The following PDCD6IP variants were observed in gnomAD, a reference collection of about 807,000 sequenced individuals.
PDCD6IP encodes programmed cell death 6 interacting protein.
A neutral mutation model predicts 103.7 loss-of-function variants in PDCD6IP; 43 were observed. The observed-to-expected ratio is 0.41, with a 90% CI of 0.32 to 0.53. PDCD6IP has a LOEUF of 0.53. Among genes scored for constraint, PDCD6IP ranks in the 20% least tolerant of loss-of-function variants. The pLI is 0.16. For synonymous variants in PDCD6IP, 354 were observed against 378.7 expected, an observed-to-expected ratio of 0.93 and a Z score of 0.76; for missense variants, 871 against 1,036.7, an observed-to-expected ratio of 0.84 and a Z score of 2.20.
intron 1 of PDCD6IP, among the ~76,000 whole-genome samples, chr3:33,802,786 G>A (rs568550834): frequency 2.6e-5 from 4 of 152,150 alleles, no homozygotes; most frequent in Non-Finnish European, 4.4e-5. Flanking sequence ...CACTGTGCCC[G>A]GCCAATCTCT....
chr3:33,822,576 G>A (rs2125554298), intron 4 of PDCD6IP, among the ~76,000 whole-genome samples: 1 of 152,274 alleles, frequency 6.6e-6, no homozygotes, highest in Admixed American at 6.5e-5. Flanking sequence ...GACACATAAT[G>A]TTCATAAGTT....
Position 33,866,698 on chromosome 3 carries a change from C to A in PDCD6IP, c.*173C>A. The A allele has an allele frequency of 2.2e-6, 1 of 444,644 alleles. No homozygotes were observed. Among genetic ancestry groups the A allele is most frequent in the Non-Finnish European group, 3.9e-6 (1 of 256,974 alleles). The allele number at this position is 444,644 out of a possible 1,614,324, so 27.5% of individuals were successfully genotyped here. On this transcript the variant is annotated 3_prime_UTR_variant, in exon 18 of 18. Transcript: ENST00000307296. The stretch of plus-strand genomic sequence containing the variant: ...TGTGCCCCAGTTCCACATTTGATTA[C>A]ACATGTGAGATTTGCTGCTGTTGCA...
At chr3:33,822,805 G>A (rs1044838797) in intron 4 of PDCD6IP, among the ~76,000 whole-genome samples, 1 of 152,018 alleles carries the variant, frequency 6.6e-6, no homozygotes, top group African/African-American at 2.4e-5. Flanking sequence ...ATAGGCATCC[G>A]CCACCTCGCC....
intron 3 of PDCD6IP, among the ~76,000 whole-genome samples, chr3:33,814,341 G>A (rs538140486): frequency 1.4e-4 from 21 of 151,782 alleles, no homozygotes; most frequent in African/African-American, 5.1e-4. Flanking sequence ...CACCATGTTG[G>A]CCAGGCTGGT....
At chr3:33,825,684 C>T (rs113802987) in intron 5 of PDCD6IP, among the ~76,000 whole-genome samples, 7 of 152,164 alleles carry the variant, frequency 4.6e-5, no homozygotes, top group African/African-American at 1.7e-4. Context: ...TCTAGATAAA[C>T]GGAGTTAGAA....
chr3:33,824,120 G>A (rs7626555), intron 4 of PDCD6IP, among the ~76,000 whole-genome samples: 56,511 of 152,002 alleles, frequency 0.37, 11,845 homozygotes, highest in African/African-American at 0.57. Context: ...CTAGTTTACT[G>A]AACAAGTTCA....
intron 7 of PDCD6IP, among the ~76,000 whole-genome samples, chr3:33,834,238 T>C (rs1697299478): frequency 6.6e-6 from 1 of 152,214 alleles, no homozygotes; most frequent in African/African-American, 2.4e-5. Context: ...CAGTTGGCTT[T>C]GCCTTTACCG....
chr3:33,866,096 A>ATTT (rs1475025232), intron 17 of PDCD6IP, among the ~76,000 whole-genome samples: 1 of 152,060 alleles, frequency 6.6e-6, no homozygotes, highest in East Asian at 1.9e-4. Flanking sequence ...TAATACTCGA[A>ATTT]TATTTAATCT....
chr3:33,865,493 GT>G, intron 17 of PDCD6IP, 63 bp downstream of exon 17: 1 of 1,377,756 alleles, frequency 7.3e-7, no homozygotes, highest in Non-Finnish European at 9.8e-7. Context: ...TGGCTAACCT[GT>G]TAAAAACAGG....
intron 3 of PDCD6IP, among the ~76,000 whole-genome samples, chr3:33,818,974 T>C (rs1696926235): frequency 2.0e-5 from 3 of 152,224 alleles, no homozygotes; most frequent in African/African-American, 7.2e-5. Flanking sequence ...TTTCATTTTA[T>C]TCGTGTGTAG....
intron 1 of PDCD6IP, among the ~76,000 whole-genome samples, chr3:33,805,477 C>T (rs143062401): frequency 6.6e-6 from 1 of 151,760 alleles, no homozygotes; most frequent in South Asian, 2.1e-4. Flanking sequence ...CTCAGCTGCC[C>T]AGGCTGGAGT....
intron 13 of PDCD6IP, 150 bp from the exon 14 acceptor site, chr3:33,853,729 G>T (rs1697768302): frequency 1.5e-6 from 1 of 659,694 alleles, no homozygotes; most frequent in Non-Finnish European, 2.1e-6. Flanking sequence ...GCATAATGAG[G>T]CTTCAAAAGA....
intron 1 of PDCD6IP, among the ~76,000 whole-genome samples, chr3:33,808,430 C>A (rs1176708152): frequency 6.6e-6 from 1 of 152,098 alleles, no homozygotes; most frequent in Non-Finnish European, 1.5e-5. Flanking sequence ...GTAGGCCCAC[C>A]ACCACACCTG....
chr3:33,848,789 T>C (rs1375347376), intron 12 of PDCD6IP, among the ~76,000 whole-genome samples: 2 of 152,242 alleles, frequency 1.3e-5, no homozygotes, highest in East Asian at 1.9e-4. Flanking sequence ...GTCAGGAAGC[T>C]GTGGCTTGTG....
chr3:33,849,559 G>C (rs560592465), intron 12 of PDCD6IP, among the ~76,000 whole-genome samples: 1 of 152,272 alleles, frequency 6.6e-6, no homozygotes, highest in Non-Finnish European at 1.5e-5. Flanking sequence ...ATCACTGGCA[G>C]CCTAACTTAA....
rs559273058 is a variant in PDCD6IP at position 33,822,822 on chromosome 3, A to AT, written c.462+748dup. 5.5e-3 allele frequency among the ~76,000 whole-genome samples: 831 copies of AT among 151,526 alleles called. 6 individuals carry two copies. The highest frequency in any genetic ancestry group is 0.017 in the African/African-American group (710 of 41,298). On this transcript the variant is annotated intron_variant, in intron 4 of 17. Transcript: ENST00000307296. The stretch of plus-strand genomic sequence containing the variant: ...AGGCATCCGCCACCTCGCCTGGCTA[A>AT]TTTTTTTTGTATTTTTAGTAGAGAT...
chr3:33,852,437 C>CTTTTTTTTTTTTTTTTT (rs59048229), intron 12 of PDCD6IP, 51 bp from the exon 13 acceptor site: 1 of 950,582 alleles, frequency 1.1e-6, no homozygotes, highest in Non-Finnish European at 1.3e-6. Context: ...TCGAAATTGG[C>CTTTTTTTTTTTTTTTTT]TTTTTTTTTT....
chr3:33,835,945 AT>A (rs928603456), intron 7 of PDCD6IP, 98 bp from the exon 8 acceptor site: 3,071 of 643,354 alleles, frequency 4.8e-3, no homozygotes, highest in South Asian at 7.1e-3. Context: ...CAGATTAAAG[AT>A]TTTTTTTTTG....
intron 15 of PDCD6IP, among the ~76,000 whole-genome samples, chr3:33,857,701 A>T (rs112339304): frequency 6.6e-6 from 1 of 152,236 alleles, no homozygotes. Flanking sequence ...TTGTCTTAAT[A>T]GATGAGGCAG....
Sources: allele counts gnomAD v4.1 joint callset (sites outside exome capture counted in the v4.1 genomes callset), GRCh38; gene constraint gnomAD v4.1.1; transcripts MANE v1.5; gene names NCBI Gene and HGNC (gene_info 2026-07-23, HGNC 2026-07-21).